Variants in TCF7L2 observed in about 807,000 individuals in gnomAD.
TCF7L2 encodes the protein transcription factor 7 like 2.
In TCF7L2, 23 loss-of-function variants were observed where a neutral mutation model predicts 77.9. The observed-to-expected ratio is 0.30, with a 90% CI of 0.21 to 0.42. The LOEUF (loss-of-function observed/expected upper bound fraction) is 0.42, where lower values mean the gene tolerates loss of function less well. TCF7L2 is among the 10% of genes least tolerant of loss of function. The pLI, the probability that TCF7L2 is intolerant of heterozygous loss-of-function variation, is 1.00. For missense variants in TCF7L2, 654 were observed against 793.1 expected, an observed-to-expected ratio of 0.82 and a Z score of 2.11; for synonymous variants, 413 against 340.2, an observed-to-expected ratio of 1.21 and a Z score of -2.36.
chr10:113,020,601 G>A (rs1438329745), intron 4 of TCF7L2, among the ~76,000 whole-genome samples: 1 of 152,192 alleles, frequency 6.6e-6, no homozygotes, highest in East Asian at 1.9e-4. Flanking sequence ...GAGGCGGGGT[G>A]CATTCCTGTA....
intron 5 of TCF7L2, among the ~76,000 whole-genome samples, chr10:113,129,041 G>A (rs981943011): frequency 6.6e-6 from 1 of 152,116 alleles, no homozygotes; most frequent in East Asian, 1.9e-4. Context: ...TGGAATACTA[G>A]CGAGCCCAGG....
intron 5 of TCF7L2, among the ~76,000 whole-genome samples, chr10:113,095,981 GGTGTGTGACAT>G (rs2060923525): frequency 6.6e-6 from 1 of 152,144 alleles, no homozygotes; most frequent in Admixed American, 6.5e-5. Context: ...TTGGGCCTTT[GGTGTGTGACAT>G]GTCATCCCCA....
At chr10:112,960,176 T>C (rs1172835638) in intron 3 of TCF7L2, among the ~76,000 whole-genome samples, 2 of 152,192 alleles carry the variant, frequency 1.3e-5, no homozygotes, top group East Asian at 3.8e-4. Context: ...GAGGAGGAGA[T>C]TCCTGTGGTT....
chr10:113,022,890 A>G (rs974639513), intron 4 of TCF7L2, among the ~76,000 whole-genome samples: 1 of 152,250 alleles, frequency 6.6e-6, no homozygotes, highest in African/African-American at 2.4e-5. Flanking sequence ...TCTTAGCCCA[A>G]TTCTTTTGGA....
intron 5 of TCF7L2, among the ~76,000 whole-genome samples, chr10:113,110,447 G>A (rs1438737547): frequency 7.3e-6 from 1 of 137,258 alleles, no homozygotes; most frequent in African/African-American, 2.7e-5. Context: ...GTAAATATCT[G>A]CAACAAACAG....
intron 5 of TCF7L2, among the ~76,000 whole-genome samples, chr10:113,052,892 G>T (rs1484976732): frequency 6.6e-6 from 1 of 152,226 alleles, no homozygotes; most frequent in African/African-American, 2.4e-5. Flanking sequence ...TTCTAAGAGG[G>T]TGATAACTTC....
intron 5 of TCF7L2, among the ~76,000 whole-genome samples, chr10:113,101,810 TC>T (rs1279791989): frequency 3.2e-5 from 4 of 124,446 alleles, no homozygotes; most frequent in Non-Finnish European, 6.3e-5. Flanking sequence ...GCCACTGCAC[TC>T]CAGCCTGGGC....
intron 3 of TCF7L2, among the ~76,000 whole-genome samples, chr10:112,952,881 C>T (rs867992276): frequency 6.6e-6 from 1 of 151,374 alleles, no homozygotes; most frequent in Non-Finnish European, 1.5e-5. Flanking sequence ...ATCCCTCCCT[C>T]CCTCTTCTAA....
At chr10:112,977,426 A>G (rs1295045574) in intron 4 of TCF7L2, among the ~76,000 whole-genome samples, 2 of 152,216 alleles carry the variant, frequency 1.3e-5, no homozygotes, top group African/African-American at 4.8e-5. Flanking sequence ...AACAGAGAGC[A>G]TAGGGTGTGA....
At chr10:113,126,699 C>T in intron 5 of TCF7L2, 5 of 985,504 alleles carry the variant, frequency 5.1e-6, no homozygotes, top group Middle Eastern at 5.2e-4. Flanking sequence ...TCTTGTCTGG[C>T]GGCGCTGCTG....
intron 4 of TCF7L2, among the ~76,000 whole-genome samples, chr10:112,980,933 T>G (rs2040374820): frequency 6.6e-6 from 1 of 152,170 alleles, no homozygotes; most frequent in Admixed American, 6.5e-5. Context: ...GCCAAAGCAT[T>G]TGTTTCTTAA....
At chr10:113,109,956 A>C (rs1407894359) in intron 5 of TCF7L2, among the ~76,000 whole-genome samples, 1 of 152,228 alleles carries the variant, frequency 6.6e-6, no homozygotes. Flanking sequence ...TTAAAAAGTG[A>C]CTTGTTTGAA....
At chr10:113,069,133 G>A (rs1272880174) in intron 5 of TCF7L2, among the ~76,000 whole-genome samples, 10 of 152,004 alleles carry the variant, frequency 6.6e-5, no homozygotes, top group Admixed American at 5.2e-4. Context: ...GGAGGGGCCC[G>A]GGATGGGGTA....
In TCF7L2 at chr10:112,964,600, G is replaced by T. The variant is rs368871599; in HGVS notation, c.426G>T (p.Thr142=). ...GCACACATTACTCTGCGTACAAAAC[G>T]ATTGAACACCAGATTGCAGTTCAGG... Residue 142 remains threonine (T), a synonymous_variant, in exon 4 of 14, where the codon ACG becomes ACT. Transcript: ENST00000627217. The T allele has an allele frequency of 5.6e-6, 9 of 1,613,174 alleles. No individual in the cohort carries two copies. The highest frequency in any genetic ancestry group is 7.6e-6 in the Non-Finnish European group (9 of 1,179,386).
chr10:113,098,306 C>T (rs1289332020), intron 5 of TCF7L2, among the ~76,000 whole-genome samples: 1 of 151,664 alleles, frequency 6.6e-6, no homozygotes, highest in Non-Finnish European at 1.5e-5. Context: ...CTTCCTTGGT[C>T]AGGTCACTTG....
intron 3 of TCF7L2, among the ~76,000 whole-genome samples, chr10:112,953,691 T>C (rs943436428): frequency 6.6e-6 from 1 of 152,200 alleles, no homozygotes; most frequent in Non-Finnish European, 1.5e-5. Context: ...TTGTGTTGTC[T>C]TGTAATTAGC....
At chr10:113,117,228 A>G (rs930252667) in intron 5 of TCF7L2, among the ~76,000 whole-genome samples, 2 of 152,226 alleles carry the variant, frequency 1.3e-5, no homozygotes, top group East Asian at 1.9e-4. Flanking sequence ...ATCCCTAAGT[A>G]TAACAAATTG....
At chr10:113,113,340 A>C (rs1268355547) in intron 5 of TCF7L2, among the ~76,000 whole-genome samples, 1 of 152,132 alleles carries the variant, frequency 6.6e-6, no homozygotes, top group African/African-American at 2.4e-5. Context: ...TAACTTACCA[A>C]AGCAACTTGA....
At chr10:113,001,176 G>A (rs2044407499) in intron 4 of TCF7L2, among the ~76,000 whole-genome samples, 1 of 152,204 alleles carries the variant, frequency 6.6e-6, no homozygotes, top group Admixed American at 6.5e-5. Flanking sequence ...AGAACTCCGG[G>A]CTCTCCCGTC....
Sources: gnomAD v4.1 joint callset for allele counts (sites outside exome capture counted in the v4.1 genomes callset) on GRCh38, gnomAD v4.1.1 for gene constraint, MANE v1.5 for transcripts, NCBI Gene and HGNC (gene_info 2026-07-23, HGNC 2026-07-21) for gene names.